Variants in UPP2 observed in about 807,000 individuals in gnomAD.
UPP2 encodes the protein UPase 2.
In UPP2, 23 loss-of-function variants were observed where a neutral mutation model predicts 26.7. The observed-to-expected ratio is 0.86, with a 90% CI of 0.62 to 1.22. The LOEUF is 1.22. Among genes scored for constraint, UPP2 ranks in the 50% most tolerant of loss-of-function variants. The pLI is 0.00. For synonymous variants in UPP2, 127 were observed against 141.3 expected (o/e 0.90, Z 0.72); for missense variants, 387 against 396.7 (o/e 0.98, Z 0.21).
chr2:158,135,004 G>T lies in UPP2; in HGVS notation c.*114G>T. Reference sequence around the variant, plus strand: ...TATAGTTCTCATCCACATGCTAAATGGAAAGACTTTATGAAATCCTTCTCT... The same window carrying T: ...TATAGTTCTCATCCACATGCTAAATTGAAAGACTTTATGAAATCCTTCTCT... On this transcript the variant is annotated 3_prime_UTR_variant, in exon 7 of 7. Transcript: ENST00000005756. 1 of 1,232,456 alleles carries T rather than the reference G, an allele frequency of 8.1e-7. No individual in the cohort carries two copies. Among genetic ancestry groups the T allele is most frequent in the Non-Finnish European group, 1.1e-6 (1 of 935,464 alleles). 76.3% of individuals were successfully genotyped at this position (1,232,456 alleles called of 1,614,324 possible).
intron 3 of UPP2, among the ~76,000 whole-genome samples, chr2:158,039,201 T>C (rs1259511353): frequency 2.0e-5 from 3 of 152,174 alleles, no homozygotes; most frequent in Non-Finnish European, 4.4e-5. Flanking sequence ...TCAGCTTTCT[T>C]AATTAGTAAT....
At chr2:158,023,230 T>TGCGGGG (rs1553463650) in intron 3 of UPP2, among the ~76,000 whole-genome samples, 1 of 83,754 alleles carries the variant, frequency 1.2e-5, no homozygotes, top group Non-Finnish European at 2.4e-5. Context: ...TGCTGTCAGT[T>TGCGGGG]GGGGGGGGGC....
chr2:158,129,698 T>A (rs1413113574), intron 6 of UPP2, among the ~76,000 whole-genome samples: 1 of 136,516 alleles, frequency 7.3e-6, no homozygotes, highest in Non-Finnish European at 1.6e-5. Context: ...CATAATAATA[T>A]AATTTAAACA....
In UPP2 at chr2:158,115,264, G is replaced by A. The variant is rs1173303286; in HGVS notation, c.339+5G>A. On this transcript the variant is annotated splice_donor_5th_base_variant and intron_variant, in intron 3 of 6. Transcript: ENST00000005756. ...GGGCCTGTGCTCGCCATCAGTGTAA[G>A]TATCCATGGTTGCATTTCAGCTAGT... 7 of 1,592,014 alleles carry A rather than the reference G, an allele frequency of 4.4e-6. No individual in the cohort carries two copies. The highest frequency in any genetic ancestry group is 6.0e-6 in the Non-Finnish European group (7 of 1,169,626).
intron 3 of UPP2, among the ~76,000 whole-genome samples, chr2:158,034,186 C>T (rs1162465918): frequency 6.6e-6 from 1 of 152,120 alleles, no homozygotes. Context: ...AACTGCTCTT[C>T]ATGGTGTTCC....
At chr2:158,036,686 T>C (rs1684006389) in intron 3 of UPP2, among the ~76,000 whole-genome samples, 1 of 152,230 alleles carries the variant, frequency 6.6e-6, no homozygotes, top group African/African-American at 2.4e-5. Flanking sequence ...GCTATGAATA[T>C]AAATGTTTAT....
intron 3 of UPP2, among the ~76,000 whole-genome samples, chr2:158,090,308 T>C (rs1239919153): frequency 2.0e-5 from 3 of 152,266 alleles, no homozygotes; most frequent in Admixed American, 1.3e-4. Context: ...TAGACCATCC[T>C]GGCTAACACG....
chr2:158,049,304 G>A (rs555700663), intron 3 of UPP2, among the ~76,000 whole-genome samples: 1 of 152,292 alleles, frequency 6.6e-6, no homozygotes, highest in South Asian at 2.1e-4. Context: ...TTAGGGGTGT[G>A]TGCATCTGTC....
chr2:158,052,643 G>A lies in UPP2; in HGVS notation c.147+36757G>A, dbSNP rs185122767. ...ATAAGGTTACTTAACATCTTTGGGC[G>A]TCAATGTCTTTATTTGTAGAATAGA... On this transcript the variant is annotated intron_variant, in intron 3 of 9. Transcript: ENST00000605860. 3.9e-3 allele frequency among the ~76,000 whole-genome samples: 599 copies of A among 152,270 alleles called. 2 individuals are homozygous for A. Among genetic ancestry groups the A allele is most frequent in the Admixed American group, 9.0e-3 (137 of 15,296 alleles).
intron 3 of UPP2, among the ~76,000 whole-genome samples, chr2:158,095,115 A>G (rs568949112): frequency 6.6e-6 from 1 of 152,188 alleles, no homozygotes; most frequent in African/African-American, 2.4e-5. Context: ...TGCTCCAGAC[A>G]GGGTGGTGAG....
chr2:158,030,615 A>T (rs993737014), intron 3 of UPP2, among the ~76,000 whole-genome samples: 1 of 152,232 alleles, frequency 6.6e-6, no homozygotes, highest in Non-Finnish European at 1.5e-5. Flanking sequence ...ACTGTGAGCT[A>T]TGCCTTGCTT....
intron 2 of UPP2, among the ~76,000 whole-genome samples, chr2:158,013,668 T>C (rs1385821043): frequency 6.6e-6 from 1 of 152,230 alleles, no homozygotes; most frequent in Non-Finnish European, 1.5e-5. Flanking sequence ...ACAGAGTTCC[T>C]GCGTGGCAAC....
intron 3 of UPP2, among the ~76,000 whole-genome samples, chr2:158,062,668 G>A (rs1005287418): frequency 2.0e-5 from 3 of 152,164 alleles, no homozygotes; most frequent in Non-Finnish European, 4.4e-5. Context: ...GTCCAGGAGG[G>A]CAGGAATTCC....
At position 158,136,045 on chromosome 2, in the gene UPP2, G is replaced by A. The variant is rs1392687932; in HGVS notation, c.*1155G>A. On this transcript the variant is annotated 3_prime_UTR_variant, in exon 7 of 7. Coordinates refer to ENST00000005756, the MANE Select transcript of UPP2 (RefSeq NM_173355.4). Reference sequence around the variant, plus strand: ...TGGGGCAGGAAATAGGTCCTAGGCCGGTTGAGTCTGAATTGGCCTGCTCCT... The same window carrying A: ...TGGGGCAGGAAATAGGTCCTAGGCCAGTTGAGTCTGAATTGGCCTGCTCCT... The A allele has an allele frequency of 2.0e-5, 3 of 152,144 alleles. No individual in the cohort carries two copies. Among genetic ancestry groups the A allele is most frequent in the African/African-American group, 7.2e-5 (3 of 41,422 alleles). 9.4% of individuals were successfully genotyped at this position (152,144 alleles called of 1,614,324 possible).
chr2:158,045,079 A>G (rs1158486728), intron 3 of UPP2, among the ~76,000 whole-genome samples: 2 of 152,018 alleles, frequency 1.3e-5, no homozygotes, highest in African/African-American at 4.8e-5. Flanking sequence ...TCCCTTCCAA[A>G]TCATATTCTT....
chr2:157,996,732 T>C (rs1008383356), intron 2 of UPP2, among the ~76,000 whole-genome samples: 1 of 152,148 alleles, frequency 6.6e-6, no homozygotes, highest in East Asian at 1.9e-4. Context: ...AGGATTGCTT[T>C]AGGGGACACA....
At chr2:158,043,738 C>A (rs957292987) in intron 3 of UPP2, among the ~76,000 whole-genome samples, 9 of 152,134 alleles carry the variant, frequency 5.9e-5, no homozygotes, top group Admixed American at 2.0e-4. Context: ...ATAGTTACGA[C>A]CATCTGGTTG....
intron 3 of UPP2, among the ~76,000 whole-genome samples, chr2:158,037,157 G>A (rs1170494632): frequency 2.0e-5 from 3 of 152,006 alleles, no homozygotes; most frequent in Admixed American, 6.6e-5. Context: ...GGTGAATAAC[G>A]AGGTCAGGAG....
chr2:158,037,245 G>T (rs1030895942), intron 3 of UPP2, among the ~76,000 whole-genome samples: 2 of 151,986 alleles, frequency 1.3e-5, no homozygotes, highest in Non-Finnish European at 2.9e-5. Context: ...TGTGGTGGCG[G>T]GCATCTGTAA....
Sources: gnomAD v4.1 joint callset for allele counts (sites outside exome capture counted in the v4.1 genomes callset) on GRCh38, gnomAD v4.1.1 for gene constraint, MANE v1.5 for transcripts, NCBI Gene and HGNC (gene_info 2026-07-23, HGNC 2026-07-21) for gene names.